The following FAT4 variants were observed in gnomAD, a reference collection of about 807,000 sequenced individuals.
The protein encoded by FAT4 is protocadherin Fat 4.
FAT4 carries 84 observed loss-of-function variants against 303.9 expected under a neutral mutation model. That is an observed-to-expected ratio of 0.28 (90% CI 0.23 to 0.33). The LOEUF is 0.33. Among genes scored for constraint, FAT4 ranks in the 10% least tolerant of loss-of-function variants. FAT4 has a pLI of 1.00. For synonymous variants in FAT4, 2,307 were observed against 2,298.8 expected, an observed-to-expected ratio of 1.00 and a Z score of -0.10; for missense variants, 6,005 against 6,146.8, an observed-to-expected ratio of 0.98 and a Z score of 0.77.
At chr4:125,482,381 A>G (rs1727259009) in intron 16 of FAT4, among the ~76,000 whole-genome samples, 1 of 152,138 alleles carries the variant, frequency 6.6e-6, no homozygotes, top group Non-Finnish European at 1.5e-5. Context: ...GTTTTTTCTT[A>G]TCTGTAAATA....
chr4:125,416,406 A>G (rs1019349689), intron 6 of FAT4, 42 bp from the exon 7 acceptor site: 9 of 1,510,638 alleles, frequency 6.0e-6, no homozygotes, highest in South Asian at 1.3e-5. Flanking sequence ...CATGAGATGC[A>G]TTGTTTGTTT....
chr4:125,469,149 G>T (rs1726776121), intron 12 of FAT4, among the ~76,000 whole-genome samples: 1 of 152,186 alleles, frequency 6.6e-6, no homozygotes, highest in African/African-American at 2.4e-5. Flanking sequence ...CTTGACTGAA[G>T]AAACAATTTA....
chr4:125,382,654 T>C (rs937115996), intron 2 of FAT4, among the ~76,000 whole-genome samples: 1 of 152,136 alleles, frequency 6.6e-6, no homozygotes, highest in Non-Finnish European at 1.5e-5. Flanking sequence ...TCACCAACTG[T>C]ACTAGTCCCT....
intron 15 of FAT4, 28 bp from the exon 16 acceptor site, chr4:125,481,493 A>AT: frequency 1.2e-6 from 2 of 1,604,400 alleles, no homozygotes; most frequent in Non-Finnish European, 1.7e-6. Context: ...GAATGCATTC[A>AT]TTTTCCCTTT....
intron 2 of FAT4, among the ~76,000 whole-genome samples, chr4:125,339,227 G>C (rs922074017): frequency 6.6e-6 from 1 of 151,988 alleles, no homozygotes; most frequent in African/African-American, 2.4e-5. Flanking sequence ...ACAGTGGCAC[G>C]ATCTTGGCTC....
intron 2 of FAT4, among the ~76,000 whole-genome samples, chr4:125,381,225 A>T (rs1328419696): frequency 6.6e-6 from 1 of 152,230 alleles, no homozygotes; most frequent in East Asian, 1.9e-4. Flanking sequence ...GAAAAAACTA[A>T]TAATACAGTT....
intron 7 of FAT4, among the ~76,000 whole-genome samples, chr4:125,429,746 T>C (rs1329451524): frequency 1.3e-5 from 2 of 152,120 alleles, no homozygotes; most frequent in African/African-American, 4.8e-5. Flanking sequence ...ATGAGCAAGG[T>C]TTACAGATAA....
intron 2 of FAT4, among the ~76,000 whole-genome samples, chr4:125,325,047 A>G (rs943545846): frequency 1.3e-5 from 2 of 152,068 alleles, no homozygotes; most frequent in Admixed American, 1.3e-4. Context: ...GTTTTTGGCT[A>G]AAATATACAA....
chr4:125,446,901 T>G (rs1725846579), intron 9 of FAT4, among the ~76,000 whole-genome samples: 1 of 152,004 alleles, frequency 6.6e-6, no homozygotes, highest in Admixed American at 6.6e-5. Context: ...TTGTCTCTAT[T>G]TTGCATGCCA....
rs755463819 is a variant in FAT4, at chr4:125,449,393, C to T, written c.8383C>T (p.Arg2795Cys). 5.6e-6 allele frequency: 9 copies of T among 1,613,522 alleles called. No individual in the cohort carries two copies. Among genetic ancestry groups the T allele is most frequent in the South Asian group, 3.3e-5 (3 of 91,042 alleles). ...TTCCCCCTTAGGATACACAGTTACC[C>T]GTGTCACAACTTCTGATGAAGACAT... The part of the protein sequence containing the change: ...ENSPLGYTVT[R>C]VTTSDEDIGI... The change falls in exon 10 of 18, where the codon CGT becomes TGT. Residue 2795 changes from arginine to cysteine, a missense_variant. Coordinates refer to ENST00000394329, the MANE Select transcript of FAT4 (RefSeq NM_001291303.3).
chr4:125,321,475 T>C lies in FAT4; in HGVS notation c.5064T>C (p.Gly1688=). The C allele has an allele frequency of 1.9e-6, 3 of 1,614,138 alleles. No homozygotes were observed. The highest frequency in any genetic ancestry group is 2.5e-6 in the Non-Finnish European group (3 of 1,179,986). The change falls in exon 2 of 18, where the codon GGT becomes GGC. Residue 1688 remains glycine, a synonymous_variant. Transcript: ENST00000394329. ...TCTTTACTATTGGACGACATACTGGTATAATTCAGACCGCAGCCATTCTGG... is the reference window on the plus strand; with the variant it reads ...TCTTTACTATTGGACGACATACTGGCATAATTCAGACCGCAGCCATTCTGG... ...GRLFTIGRHT[G]IIQTAAILDR...
At chr4:125,441,134 A>C (rs1725648281) in intron 8 of FAT4, among the ~76,000 whole-genome samples, 1 of 152,172 alleles carries the variant, frequency 6.6e-6, no homozygotes. Flanking sequence ...CTGACTATGC[A>C]CCAAAAATTT....
At chr4:125,344,719 T>C (rs780324146) in intron 2 of FAT4, among the ~76,000 whole-genome samples, 3 of 152,136 alleles carry the variant, frequency 2.0e-5, no homozygotes, top group Non-Finnish European at 4.4e-5. Context: ...GCCTTCCAGG[T>C]AGAGTTAGTC....
chr4:125,448,218 A>G (rs1725895474), intron 9 of FAT4, among the ~76,000 whole-genome samples: 1 of 152,134 alleles, frequency 6.6e-6, no homozygotes, highest in Non-Finnish European at 1.5e-5. Context: ...ACTGAAAAGT[A>G]TTAAATCCAA....
intron 7 of FAT4, among the ~76,000 whole-genome samples, chr4:125,421,200 C>T (rs1240887410): frequency 2.0e-5 from 3 of 152,142 alleles, no homozygotes; most frequent in African/African-American, 7.2e-5. Context: ...TAGGCGTGAG[C>T]CACTGCGCCT....
chr4:125,434,190 A>G, intron 7 of FAT4, 55 bp from the exon 8 acceptor site: 1 of 1,543,930 alleles, frequency 6.5e-7, no homozygotes, highest in South Asian at 1.2e-5. Context: ...AATTTTTGTT[A>G]AATTTGTTAT....
chr4:125,318,409 C>G lies in FAT4; in HGVS notation c.1998C>G (p.Ser666=). Residue 666 remains serine (S), a synonymous_variant, in exon 2 of 18, where the codon TCC becomes TCG. Transcript: ENST00000394329. ...TGGTTCTGGCCACAGATCTGGGCTC[C>G]CCTCCCCAGTCATCAATGGCTCGCA... ...SLLVLATDLG[S]PPQSSMARIN... 1 of 1,614,140 alleles carries G rather than the reference C, an allele frequency of 6.2e-7. No homozygotes were observed. The highest frequency in any genetic ancestry group is 8.5e-7 in the Non-Finnish European group (1 of 1,180,034).
intron 3 of FAT4, among the ~76,000 whole-genome samples, chr4:125,402,852 T>C (rs1167258495): frequency 6.6e-6 from 1 of 152,040 alleles, no homozygotes; most frequent in African/African-American, 2.4e-5. Context: ...TTCTTTGAGG[T>C]TAATTACAAT....
At chr4:125,446,268 T>C (rs1332097048) in intron 8 of FAT4, 25 bp from the exon 9 acceptor site, 1 of 1,599,518 alleles carries the variant, frequency 6.3e-7, no homozygotes, top group African/African-American at 1.3e-5. Context: ...ATATGACATA[T>C]CCCTATTTCT....
Sources: gnomAD v4.1 joint callset for allele counts (sites outside exome capture counted in the v4.1 genomes callset) on GRCh38, gnomAD v4.1.1 for gene constraint, MANE v1.5 for transcripts, NCBI Gene and HGNC (gene_info 2026-07-23, HGNC 2026-07-21) for gene names.